STOX1: variants seen among roughly 807,000 people sequenced by gnomAD.
STOX1 encodes the protein storkhead box 1.
STOX1 carries 57 observed loss-of-function variants against 74.8 expected under a neutral mutation model. The observed-to-expected ratio is 0.76, with a 90% CI of 0.62 to 0.95. STOX1 has a LOEUF of 0.95. STOX1 is among the 40% of genes least tolerant of loss of function. STOX1 has a pLI of 0.00. For synonymous variants in STOX1, 375 were observed against 401.3 expected, an observed-to-expected ratio of 0.93 and a Z score of 0.78; for missense variants, 1,010 against 1,117.0, an observed-to-expected ratio of 0.90 and a Z score of 1.37.
chr10:68,864,255 G>A (rs531211825), intron 1 of STOX1, among the ~76,000 whole-genome samples: 5 of 152,174 alleles, frequency 3.3e-5, no homozygotes, highest in African/African-American at 9.6e-5. Context: ...AGTATAGGCC[G>A]TCCGAAAAAC....
At chr10:68,879,006 G>A (rs560948637) in intron 1 of STOX1, among the ~76,000 whole-genome samples, 1 of 152,256 alleles carries the variant, frequency 6.6e-6, no homozygotes, top group Non-Finnish European at 1.5e-5. Flanking sequence ...ACATCTCTGG[G>A]AGGTTGTTAG....
intron 1 of STOX1, among the ~76,000 whole-genome samples, chr10:68,845,165 C>T (rs554962744): frequency 2.6e-5 from 4 of 152,130 alleles, no homozygotes; most frequent in East Asian, 1.9e-4. Flanking sequence ...TGCAGTGGTG[C>T]GATCACAGCT....
At chr10:68,865,541 C>T (rs560735058) in intron 1 of STOX1, among the ~76,000 whole-genome samples, 6 of 152,110 alleles carry the variant, frequency 3.9e-5, no homozygotes, top group East Asian at 3.9e-4. Flanking sequence ...CCCAGCTACT[C>T]GGGAGGTTGA....
intron 1 of STOX1, among the ~76,000 whole-genome samples, chr10:68,865,096 G>A (rs1840369332): frequency 6.8e-6 from 1 of 147,010 alleles, no homozygotes; most frequent in Non-Finnish European, 1.6e-5. Flanking sequence ...TTCCCGAGTG[G>A]GGGCAGCACA....
chr10:68,884,335 C>T lies in STOX1; in HGVS notation c.539C>T (p.Thr180Ile). Residue 180 changes from threonine to isoleucine, a missense_variant, in exon 3 of 4, where the codon ACT (threonine) becomes ATT (isoleucine). Thr to Ile is a moderately conservative substitution (Grantham distance 89). Coordinates refer to ENST00000298596, the MANE Select transcript of STOX1 (RefSeq NM_152709.5). Reference sequence around the variant, plus strand: ...ATTAAAGAAAGGAAGATTTATCACACTGGAGAAGGATACTTCATAGTTACT... The same window carrying T: ...ATTAAAGAAAGGAAGATTTATCACATTGGAGAAGGATACTTCATAGTTACT... ...TLIKERKIYHTGEGYFIVTPQ... is the reference protein window; with the variant it reads ...TLIKERKIYHIGEGYFIVTPQ... 1 of 1,614,148 alleles carries T rather than the reference C, an allele frequency of 6.2e-7. No homozygotes were observed. The highest frequency in any genetic ancestry group is 8.5e-7 in the Non-Finnish European group (1 of 1,180,008).
intron 1 of STOX1, among the ~76,000 whole-genome samples, chr10:68,848,827 GC>G (rs1226369125): frequency 6.6e-6 from 1 of 152,046 alleles, no homozygotes; most frequent in African/African-American, 2.4e-5. Flanking sequence ...ACCATGCCTG[GC>G]TAATTTTTTA....
chr10:68,836,169 C>T (rs1023431908), intron 1 of STOX1, among the ~76,000 whole-genome samples: 6 of 152,246 alleles, frequency 3.9e-5, no homozygotes, highest in African/African-American at 1.4e-4. Flanking sequence ...CACGCCCCGC[C>T]CTTGAGTTCA....
At chr10:68,876,310 C>G (rs1361170879) in intron 1 of STOX1, among the ~76,000 whole-genome samples, 1 of 151,866 alleles carries the variant, frequency 6.6e-6, no homozygotes, top group Non-Finnish European at 1.5e-5. Flanking sequence ...ACATGCGCCA[C>G]CACACCCAGC....
intron 1 of STOX1, among the ~76,000 whole-genome samples, chr10:68,838,359 T>C (rs1839612444): frequency 6.6e-6 from 1 of 152,114 alleles, no homozygotes; most frequent in Non-Finnish European, 1.5e-5. Context: ...GAGCTAGGAC[T>C]GTTTTCTTAA....
At chr10:68,876,348 G>A (rs1050433320) in intron 1 of STOX1, among the ~76,000 whole-genome samples, 5 of 151,726 alleles carry the variant, frequency 3.3e-5, no homozygotes, top group Non-Finnish European at 5.9e-5. Context: ...TAGAGACGGG[G>A]TTTCTCCACG....
intron 1 of STOX1, among the ~76,000 whole-genome samples, chr10:68,850,166 G>A (rs572719103): frequency 3.9e-5 from 6 of 152,120 alleles, no homozygotes; most frequent in African/African-American, 7.2e-5. Context: ...AGGCCACCAC[G>A]CTTGGCTAAT....
intron 1 of STOX1, among the ~76,000 whole-genome samples, chr10:68,844,654 T>C (rs1401299132): frequency 6.6e-6 from 1 of 152,248 alleles, no homozygotes; most frequent in Non-Finnish European, 1.5e-5. Context: ...AAAAGTTTTT[T>C]TCCTTATTAA....
At chr10:68,829,708 C>T (rs886291136) in intron 1 of STOX1, among the ~76,000 whole-genome samples, 2 of 152,042 alleles carry the variant, frequency 1.3e-5, no homozygotes, top group African/African-American at 2.4e-5. Flanking sequence ...TCTGTTCCCT[C>T]TCCTCCCCAC....
rs546915722 is a variant in STOX1, at chr10:68,838,901, C to T, written c.310+10968C>T. 1.2e-3 allele frequency among the ~76,000 whole-genome samples: 170 copies of T among 142,318 alleles called. 1 individual carries two copies. The highest frequency in any genetic ancestry group is 4.5e-3 in the African/African-American group (165 of 36,346). 93.4% of individuals were successfully genotyped at this position (142,318 alleles called of 152,430 possible). ...CTCCAGCCTGGGCAACAGAGCGAGACTCTGTCTCAAAAAAAAAAAAAAAGA... is the reference window on the plus strand; with the variant it reads ...CTCCAGCCTGGGCAACAGAGCGAGATTCTGTCTCAAAAAAAAAAAAAAAGA... On this transcript the variant is annotated intron_variant, in intron 1 of 3. Transcript: ENST00000298596.
intron 1 of STOX1, among the ~76,000 whole-genome samples, chr10:68,880,164 C>CTTTTTTTTTTTTTTTTTTTTTTTT (rs71028800): frequency 4.0e-5 from 5 of 124,416 alleles, no homozygotes; most frequent in African/African-American, 1.1e-4. Flanking sequence ...TCTTTCTTTC[C>CTTTTTTTTTTTTTTTTTTTTTTTT]TTTTTTTTTT....
chr10:68,869,103 C>T (rs1840476080), intron 1 of STOX1, among the ~76,000 whole-genome samples: 4 of 152,232 alleles, frequency 2.6e-5, no homozygotes, highest in Admixed American at 2.6e-4. Flanking sequence ...TCGTGATGGT[C>T]CTGGCCCAGG....
chr10:68,835,634 G>A (rs916765117), intron 1 of STOX1, among the ~76,000 whole-genome samples: 1 of 152,202 alleles, frequency 6.6e-6, no homozygotes, highest in Non-Finnish European at 1.5e-5. Context: ...GGGATAACAG[G>A]CATGAGCCAC....
At chr10:68,882,440 C>T (rs902130280) in intron 2 of STOX1, among the ~76,000 whole-genome samples, 3 of 151,640 alleles carry the variant, frequency 2.0e-5, no homozygotes, top group African/African-American at 4.8e-5. Flanking sequence ...GAGGTAATAA[C>T]TGCTATTATC....
chr10:68,856,100 G>A lies in STOX1; in HGVS notation c.311-25858G>A, dbSNP rs548423872. Among the ~76,000 whole-genome samples, 45 of 152,102 alleles carry A rather than the reference G, an allele frequency of 3.0e-4. 1 individual carries two copies. The highest frequency in any genetic ancestry group is 1.2e-3 in the Admixed American group (19 of 15,294). On this transcript the variant is annotated intron_variant, in intron 1 of 3. Coordinates refer to ENST00000298596, the MANE Select transcript of STOX1 (RefSeq NM_152709.5). ...TCAGGAAGAGGGCACAGGGTAGCAG[G>A]TTGGGAGAGCAGGGCAAAATGCTCT...
Sources: gnomAD v4.1 joint callset for allele counts (sites outside exome capture counted in the v4.1 genomes callset) on GRCh38, gnomAD v4.1.1 for gene constraint, MANE v1.5 for transcripts, NCBI Gene and HGNC (gene_info 2026-07-23, HGNC 2026-07-21) for gene names.